The following FAM81A variants were observed in gnomAD, a reference collection of about 807,000 sequenced individuals.
FAM81A encodes the protein protein FAM81A.
FAM81A carries 19 observed loss-of-function variants against 46.7 expected under a neutral mutation model. That is an observed-to-expected ratio of 0.41 (90% confidence interval 0.28 to 0.60). The LOEUF is 0.60. FAM81A is among the 20% of genes least tolerant of loss of function. The pLI is 0.34. For missense variants in FAM81A, 377 were observed against 453.5 expected (o/e 0.83, Z 1.53); for synonymous variants, 183 against 152.9 (o/e 1.20, Z -1.45).
rs1448213707 is a variant in FAM81A at position 59,438,289 on chromosome 15, G to GC, written c.-78+9dup. 3 of 151,496 alleles carry GC rather than the reference G, an allele frequency of 2.0e-5. No homozygotes were observed. The highest frequency in any genetic ancestry group is 2.9e-5 in the Non-Finnish European group (2 of 67,880). 9.4% of individuals were successfully genotyped at this position (151,496 alleles called of 1,614,324 possible). A position where few individuals can be genotyped will look rare whatever the true frequency, so the allele number is the denominator to read the frequency against. Reference sequence around the variant, plus strand: ...GCGCCCACCCCCCGCGCCGGTGAGTGCCGCGCTCTGGGAACCCCGGCCGGG... The same window carrying GC: ...GCGCCCACCCCCCGCGCCGGTGAGTGCCCGCGCTCTGGGAACCCCGGCCGGG... On this transcript the variant is annotated splice_region_variant and intron_variant, in intron 1 of 8. Transcript: ENST00000288228.
chr15:59,497,457 A>G (rs2082046383), intron 4 of FAM81A, among the ~76,000 whole-genome samples: 1 of 152,186 alleles, frequency 6.6e-6, no homozygotes, highest in Non-Finnish European at 1.5e-5. Flanking sequence ...AAAAAAAAAA[A>G]ATTTAAGATC....
At chr15:59,404,179 G>T (rs1203260658) in intron 2 of FAM81A, among the ~76,000 whole-genome samples, 2 of 152,184 alleles carry the variant, frequency 1.3e-5, no homozygotes, top group East Asian at 3.9e-4. Flanking sequence ...ACCATGCCCG[G>T]CCTGAATTGT....
chr15:59,459,996 C>G lies in FAM81A; in HGVS notation c.84C>G (p.Ser28Arg). The change falls in exon 3 of 9, where the codon AGC (serine) becomes AGG (arginine). Residue 28 changes from serine to arginine, a missense_variant. Physicochemically the swap from Ser to Arg is moderately radical, Grantham distance 110. Transcript: ENST00000288228. ...SLTMAPYSSV[S>R]LVEQLEDRIL... ...CCATGGCACCATACTCATCTGTAAGCCTCGTGGAGCAGCTGGAAGACAGGA... is the reference window on the plus strand; with the variant it reads ...CCATGGCACCATACTCATCTGTAAGGCTCGTGGAGCAGCTGGAAGACAGGA... 2 of 1,613,186 alleles carry G rather than the reference C, an allele frequency of 1.2e-6. No individual in the cohort carries two copies. Among genetic ancestry groups the G allele is most frequent in the Non-Finnish European group, 1.7e-6 (2 of 1,179,520 alleles).
chr15:59,431,157 C>T (rs1435665700), intron 2 of FAM81A, among the ~76,000 whole-genome samples: 1 of 152,182 alleles, frequency 6.6e-6, no homozygotes, highest in Non-Finnish European at 1.5e-5. Flanking sequence ...TGCTTTCCAT[C>T]AGACCTGCTG....
chr15:59,489,294 C>CATACATACATACATAT (rs1555432333), intron 3 of FAM81A, among the ~76,000 whole-genome samples: 172 of 150,654 alleles, frequency 1.1e-3, no homozygotes, highest in African/African-American at 3.8e-3. Flanking sequence ...TACATACATA[C>CATACATACATACATAT]ATACATACAT....
intron 3 of FAM81A, among the ~76,000 whole-genome samples, chr15:59,489,421 G>A (rs1224085781): frequency 2.6e-5 from 4 of 151,998 alleles, no homozygotes; most frequent in Admixed American, 2.6e-4. Context: ...TCATAAAAAT[G>A]GAAAGATATT....
At chr15:59,498,770 T>G (rs1751129890) in intron 4 of FAM81A, among the ~76,000 whole-genome samples, 1 of 152,180 alleles carries the variant, frequency 6.6e-6, no homozygotes, top group Non-Finnish European at 1.5e-5. Flanking sequence ...TTCTCCTGCC[T>G]CAGCCTCCCG....
chr15:59,405,265 G>A (rs1055408630), intron 2 of FAM81A, among the ~76,000 whole-genome samples: 2 of 152,174 alleles, frequency 1.3e-5, no homozygotes, highest in African/African-American at 4.8e-5. Context: ...ATGTATGTGG[G>A]ATGAATGAAT....
chr15:59,513,267 C>A (rs1430859072), intron 6 of FAM81A, among the ~76,000 whole-genome samples: 1 of 151,862 alleles, frequency 6.6e-6, no homozygotes, highest in Non-Finnish European at 1.5e-5. Flanking sequence ...AGGACAAGGG[C>A]AATTTGGGGA....
chr15:59,503,052 G>C lies in FAM81A; in HGVS notation c.414-4161G>C, dbSNP rs918488690. The stretch of plus-strand genomic sequence containing the variant: ...GGTCAGGAGTTCTGAGACCAGCCTC[G>C]CCAACATGGTGAAAACCAGTGTCTA... On this transcript the variant is annotated intron_variant, in intron 4 of 8. Coordinates refer to ENST00000288228, the MANE Select transcript of FAM81A (RefSeq NM_152450.3). Among the ~76,000 whole-genome samples the C allele has an allele frequency of 2.0e-5, 3 of 151,954 alleles. No homozygotes were observed. In the South Asian group the frequency reaches 6.3e-4, roughly 32 times the overall value.
chr15:59,520,615 G>C (rs1341244758), intron 8 of FAM81A, among the ~76,000 whole-genome samples: 1 of 148,072 alleles, frequency 6.8e-6, no homozygotes, highest in Non-Finnish European at 1.5e-5. Context: ...CGAGGCTGGA[G>C]TGCAGTAGCA....
chr15:59,440,379 C>A (rs1443253444), intron 1 of FAM81A, among the ~76,000 whole-genome samples: 1 of 152,076 alleles, frequency 6.6e-6, no homozygotes, highest in African/African-American at 2.4e-5. Context: ...ACTCTCTGGG[C>A]AATTCTGATG....
chr15:59,409,067 C>T (rs1218340390), intron 2 of FAM81A: 1 of 152,114 alleles, frequency 6.6e-6, no homozygotes, highest in Non-Finnish European at 1.5e-5. Flanking sequence ...AAAAGGGCTG[C>T]CCTGAAGTGA....
intron 2 of FAM81A, among the ~76,000 whole-genome samples, chr15:59,428,620 C>A (rs1470357406): frequency 9.0e-6 from 1 of 110,656 alleles, no homozygotes; most frequent in Admixed American, 8.7e-5. Context: ...CATGTCTACT[C>A]CTTTTTTTTT....
intron 2 of FAM81A, among the ~76,000 whole-genome samples, chr15:59,427,510 G>GT (rs1348454316): frequency 2.0e-5 from 3 of 151,854 alleles, no homozygotes; most frequent in Admixed American, 6.6e-5. Context: ...TATTTATTCT[G>GT]TTTTTTTAAT....
At position 59,453,705 on chromosome 15, in the gene FAM81A, A is replaced by G. The variant is rs948322987; in HGVS notation, c.-77-4845A>G. Among the ~76,000 whole-genome samples the G allele has an allele frequency of 5.3e-5, 8 of 152,264 alleles. No individual in the cohort carries two copies. In the South Asian group the frequency reaches 1.7e-3, roughly 32 times the overall value. The stretch of plus-strand genomic sequence containing the variant: ...GGAAGTTAAGAGAAAGGGCAAAGGA[A>G]AATGAAGAGGACTCAATGGTGGGGA... On this transcript the variant is annotated intron_variant, in intron 1 of 8. Transcript: ENST00000288228.
intron 3 of FAM81A, among the ~76,000 whole-genome samples, chr15:59,483,005 A>T (rs1476902129): frequency 3.9e-5 from 6 of 151,976 alleles, no homozygotes; most frequent in African/African-American, 1.5e-4. Flanking sequence ...CTACAGAAAT[A>T]ATAGATAGGT....
chr15:59,506,711 A>G (rs981454306), intron 4 of FAM81A, among the ~76,000 whole-genome samples: 4 of 152,250 alleles, frequency 2.6e-5, no homozygotes, highest in African/African-American at 7.2e-5. Context: ...CCCACAGGGC[A>G]GCAGCTTTTA....
intron 7 of FAM81A, among the ~76,000 whole-genome samples, chr15:59,515,957 A>G (rs1361142365): frequency 6.6e-6 from 1 of 152,176 alleles, no homozygotes; most frequent in Non-Finnish European, 1.5e-5. Flanking sequence ...CCAACCCTAG[A>G]GTGATCCATA....
Sources: gnomAD v4.1 joint callset for allele counts (sites outside exome capture counted in the v4.1 genomes callset) on GRCh38, gnomAD v4.1.1 for gene constraint, MANE v1.5 for transcripts, NCBI Gene and HGNC (gene_info 2026-07-23, HGNC 2026-07-21) for gene names.